Variants in ERBB4 observed in about 807,000 individuals in gnomAD.
ERBB4 encodes the protein erb-b2 receptor tyrosine kinase 4.
Under a neutral mutation model 158.0 loss-of-function variants are expected in ERBB4, and 42 were observed. The observed-to-expected ratio is 0.27, with a 90% confidence interval of 0.21 to 0.34. The LOEUF is 0.34. Ranked by LOEUF, ERBB4 falls within the 10% of genes least tolerant of loss-of-function variation. The pLI, the probability that ERBB4 is intolerant of heterozygous loss-of-function variation, is 1.00. For synonymous variants in ERBB4, 583 were observed against 558.7 expected (o/e 1.04, Z -0.61); for missense variants, 1,333 against 1,624.1 (o/e 0.82, Z 3.08).
chr2:212,381,978 C>G (rs1161092791), intron 1 of ERBB4, among the ~76,000 whole-genome samples: 1 of 150,948 alleles, frequency 6.6e-6, no homozygotes, highest in Non-Finnish European at 1.5e-5. Flanking sequence ...CCTCACTACT[C>G]AAAGTGTTGT....
chr2:212,358,919 T>G (rs762016140), intron 1 of ERBB4, among the ~76,000 whole-genome samples: 37 of 151,788 alleles, frequency 2.4e-4, no homozygotes, highest in South Asian at 1.2e-3. Flanking sequence ...GAATATATAT[T>G]AAGTTTAGAA....
At chr2:212,197,793 T>C (rs1254185354) in intron 1 of ERBB4, among the ~76,000 whole-genome samples, 2 of 152,184 alleles carry the variant, frequency 1.3e-5, no homozygotes, top group African/African-American at 2.4e-5. Flanking sequence ...AAAAAGTGAA[T>C]TAGGGAGCAT....
At chr2:212,259,987 T>A (rs1440519528) in intron 1 of ERBB4, among the ~76,000 whole-genome samples, 1 of 151,540 alleles carries the variant, frequency 6.6e-6, no homozygotes, top group African/African-American at 2.4e-5. Context: ...GAGAATCGCT[T>A]GAACCCGGGA....
chr2:211,464,054 C>A (rs920689320), intron 20 of ERBB4, among the ~76,000 whole-genome samples: 2 of 152,148 alleles, frequency 1.3e-5, no homozygotes, highest in Non-Finnish European at 2.9e-5. Context: ...TCTCACATGT[C>A]ACTTTCTCCA....
chr2:212,028,304 A>G (rs1304146209), intron 2 of ERBB4, among the ~76,000 whole-genome samples: 1 of 152,110 alleles, frequency 6.6e-6, no homozygotes, highest in African/African-American at 2.4e-5. Flanking sequence ...AAATATGTCT[A>G]CGACCTAAGC....
At chr2:212,215,692 AC>A (rs2083076861) in intron 1 of ERBB4, among the ~76,000 whole-genome samples, 1 of 151,338 alleles carries the variant, frequency 6.6e-6, no homozygotes, top group African/African-American at 2.4e-5. Context: ...CAAGGACAAT[AC>A]TTTGCTAAAA....
chr2:211,792,201 T>C (rs932733042), intron 3 of ERBB4, among the ~76,000 whole-genome samples: 4 of 151,768 alleles, frequency 2.6e-5, no homozygotes, highest in African/African-American at 9.7e-5. Flanking sequence ...ATGAAAGTTA[T>C]CGTTTCCCAT....
chr2:212,164,941 C>G (rs535638318), intron 1 of ERBB4, among the ~76,000 whole-genome samples: 1 of 152,000 alleles, frequency 6.6e-6, no homozygotes, highest in African/African-American at 2.4e-5. Flanking sequence ...TATGGACAAA[C>G]TTGACTTTGA....
chr2:211,402,481 A>G (rs900996564), intron 25 of ERBB4, among the ~76,000 whole-genome samples: 12 of 152,110 alleles, frequency 7.9e-5, no homozygotes, highest in African/African-American at 2.7e-4. Context: ...CCTGGCAGCA[A>G]TTCTAGGATT....
intron 2 of ERBB4, among the ~76,000 whole-genome samples, chr2:212,068,769 G>A (rs2078019102): frequency 6.6e-6 from 1 of 152,058 alleles, no homozygotes; most frequent in African/African-American, 2.4e-5. Flanking sequence ...TTCATGGAAT[G>A]AACTGTTGTC....
chr2:211,885,918 T>A (rs1453588488), intron 3 of ERBB4, among the ~76,000 whole-genome samples: 1 of 152,214 alleles, frequency 6.6e-6, no homozygotes, highest in Non-Finnish European at 1.5e-5. Context: ...AAAGTTAAAA[T>A]CATAGACCAA....
At chr2:212,132,371 C>A (rs2080131690) in intron 1 of ERBB4, among the ~76,000 whole-genome samples, 1 of 152,142 alleles carries the variant, frequency 6.6e-6, no homozygotes, top group African/African-American at 2.4e-5. Flanking sequence ...GCCCAGAATG[C>A]TGGCTAAACA....
chr2:211,380,916 C>T lies in ERBB4; in HGVS notation c.*2699G>A, dbSNP rs1202184521. 2.2e-5 allele frequency: 5 copies of T among 231,494 alleles called. No individual in the cohort carries two copies. Among genetic ancestry groups the T allele is most frequent in the Admixed American group, 1.1e-4 (2 of 17,660 alleles). 14.3% of individuals were successfully genotyped at this position (231,494 alleles called of 1,614,324 possible). ...AATGAGTGATTCTGCTTTCTATAGCCCAGTAGAAACCATATGCATATTGTA... is the reference window on the plus strand; with the variant it reads ...AATGAGTGATTCTGCTTTCTATAGCTCAGTAGAAACCATATGCATATTGTA... On this transcript the variant is annotated 3_prime_UTR_variant, in exon 28 of 28. Transcript: ENST00000342788.
At chr2:211,812,217 G>C (rs1335872566) in intron 3 of ERBB4, among the ~76,000 whole-genome samples, 1 of 152,064 alleles carries the variant, frequency 6.6e-6, no homozygotes, top group Non-Finnish European at 1.5e-5. Flanking sequence ...TTTTGGTGTG[G>C]GTGTCCTTTT....
At position 211,381,666 on chromosome 2, in the gene ERBB4, TTGGATGGA is replaced by T. The variant is rs1209990460; in HGVS notation, c.*1941_*1948del. ...GTAGACACAGTTAGATAAAGGAGGT[TTGGATGGA>T]TGGATGGATGGATTTACTTGTTCAG... On this transcript the variant is annotated 3_prime_UTR_variant, in exon 28 of 28. Transcript: ENST00000342788. 4.3e-6 allele frequency: 1 copy of T among 231,508 alleles called. No homozygotes were observed. Among genetic ancestry groups the T allele is most frequent in the African/African-American group, 2.2e-5 (1 of 45,230 alleles). The allele number at this position is 231,508 out of a possible 1,614,324, so 14.3% of individuals were successfully genotyped here. A position where few individuals can be genotyped will look rare whatever the true frequency, so the allele number is the denominator to read the frequency against.
At chr2:212,373,667 A>G (rs1365690629) in intron 1 of ERBB4, among the ~76,000 whole-genome samples, 1 of 149,550 alleles carries the variant, frequency 6.7e-6, no homozygotes, top group Non-Finnish European at 1.5e-5. Flanking sequence ...TATGGTTGAA[A>G]GGTAATAAAA....
intron 19 of ERBB4, among the ~76,000 whole-genome samples, chr2:211,567,838 A>G (rs1003359711): frequency 6.6e-6 from 1 of 150,992 alleles, no homozygotes; most frequent in Non-Finnish European, 1.5e-5. Flanking sequence ...TTTGGAGGAT[A>G]GGAGAGTAGA....
chr2:211,752,497 AAAAAAAAAG>A (rs2075161850), intron 4 of ERBB4, among the ~76,000 whole-genome samples: 1 of 149,056 alleles, frequency 6.7e-6, no homozygotes, highest in South Asian at 2.1e-4. Flanking sequence ...ACTGGAAAAA[AAAAAAAAAG>A]AAAAGAAAAG....
intron 2 of ERBB4, among the ~76,000 whole-genome samples, chr2:211,981,149 C>A (rs2081782968): frequency 6.6e-6 from 1 of 152,114 alleles, no homozygotes; most frequent in South Asian, 2.1e-4. Context: ...ATGCTGAAAG[C>A]AAACCAATAA....
Sources: allele counts gnomAD v4.1 joint callset (sites outside exome capture counted in the v4.1 genomes callset), GRCh38; gene constraint gnomAD v4.1.1; transcripts MANE v1.5; gene names NCBI Gene and HGNC (gene_info 2026-07-23, HGNC 2026-07-21).